LRRC28: variants seen among roughly 807,000 people sequenced by gnomAD.
The protein encoded by LRRC28 is leucine rich repeat containing 28.
Under a neutral mutation model 45.7 loss-of-function variants are expected in LRRC28, and 39 were observed. The ratio of observed to expected loss-of-function variants is 0.85; its 90% CI spans 0.66 to 1.12. LRRC28 has a LOEUF of 1.12. LRRC28 is among the 50% of genes most tolerant of loss of function. The pLI is 0.00. For missense variants in LRRC28, 435 were observed against 438.5 expected, an observed-to-expected ratio of 0.99 and a Z score of 0.07; for synonymous variants, 206 against 178.8, an observed-to-expected ratio of 1.15 and a Z score of -1.22.
At chr15:99,375,358 C>G (rs1957598501) in intron 9 of LRRC28, among the ~76,000 whole-genome samples, 1 of 152,044 alleles carries the variant, frequency 6.6e-6, no homozygotes, top group East Asian at 1.9e-4. Context: ...TTGTACATTT[C>G]TTTAATTTGT....
chr15:99,374,713 C>T (rs1250929337), intron 9 of LRRC28, among the ~76,000 whole-genome samples: 2 of 150,842 alleles, frequency 1.3e-5, no homozygotes, highest in Non-Finnish European at 2.9e-5. Flanking sequence ...CTTACTCTGT[C>T]GCCCAGGCTG....
intron 5 of LRRC28, among the ~76,000 whole-genome samples, chr15:99,303,757 C>G (rs1047767228): frequency 2.6e-5 from 4 of 152,058 alleles, no homozygotes; most frequent in Admixed American, 6.6e-5. Flanking sequence ...TCGCATGAAT[C>G]CGGGAGGTGG....
At chr15:99,296,233 TAC>T (rs2082258857) in intron 5 of LRRC28, among the ~76,000 whole-genome samples, 1 of 152,214 alleles carries the variant, frequency 6.6e-6, no homozygotes, top group Non-Finnish European at 1.5e-5. Context: ...TTCCCTGTGT[TAC>T]AGTTTCTAGG....
intron 5 of LRRC28, among the ~76,000 whole-genome samples, chr15:99,305,628 GTTAA>G (rs1451485897): frequency 2.0e-5 from 3 of 152,134 alleles, no homozygotes; most frequent in Non-Finnish European, 4.4e-5. Context: ...TTTAAAGAAT[GTTAA>G]TTAATAGCTA....
chr15:99,361,146 T>G (rs972477435), intron 7 of LRRC28, 190 bp from the exon 8 acceptor site: 1 of 578,810 alleles, frequency 1.7e-6, no homozygotes, highest in Non-Finnish European at 2.9e-6. Flanking sequence ...GAGTTCCAAC[T>G]GATGAGTTTA....
rs552410341 is a variant in LRRC28, at chr15:99,332,644, A to T, written c.386-1279A>T. On this transcript the variant is annotated intron_variant, in intron 5 of 9. Coordinates refer to ENST00000301981, the MANE Select transcript of LRRC28 (RefSeq NM_144598.5). ...TTACCATCCTTTAAAAATGTAAAAA[A>T]CCAGTTTCAGCTTGCAGGCAGGACA... Among the ~76,000 whole-genome samples, 57 of 152,212 alleles carry T rather than the reference A, an allele frequency of 3.7e-4. 1 individual carries two copies. In the South Asian group the frequency reaches 0.011, roughly 30 times the overall value.
At chr15:99,352,069 G>A (rs78389506) in intron 6 of LRRC28, among the ~76,000 whole-genome samples, 4,533 of 152,274 alleles carry the variant, frequency 0.03, 202 homozygotes, top group African/African-American at 0.1. Context: ...CAAGTGAGGG[G>A]TTCTTGCTAA....
intron 2 of LRRC28, chr15:99,258,691 C>A (rs2081101173): frequency 1.4e-6 from 1 of 719,802 alleles, no homozygotes; most frequent in Non-Finnish European, 2.6e-6. Context: ...AAGCTTTCTG[C>A]AAATCATTTT....
Position 99,314,565 on chromosome 15 carries a change from CTTCTA to C in LRRC28, c.386-19352_386-19348del, listed in dbSNP as rs572429765. ...TTTTATCATCTCTGATTCTCTGGCA[CTTCTA>C]TTCTAAAGTTACTGGGTAAGTTCCT... On this transcript the variant is annotated intron_variant, in intron 5 of 9. Transcript: ENST00000301981. Among the ~76,000 whole-genome samples, 437 of 152,270 alleles carry C rather than the reference CTTCTA, an allele frequency of 2.9e-3. 4 individuals carry two copies. Among genetic ancestry groups the C allele is most frequent in the African/African-American group, 9.4e-3 (390 of 41,556 alleles).
At chr15:99,374,531 T>C (rs1198068235) in intron 9 of LRRC28, among the ~76,000 whole-genome samples, 1 of 152,216 alleles carries the variant, frequency 6.6e-6, no homozygotes, top group Non-Finnish European at 1.5e-5. Flanking sequence ...GAAAATCATG[T>C]CATGCTGTCT....
rs145790768 is a variant in LRRC28 at position 99,304,950 on chromosome 15, C to T, written c.385+16999C>T. Among the ~76,000 whole-genome samples, 16 of 152,246 alleles carry T rather than the reference C, an allele frequency of 1.1e-4. No individual in the cohort carries two copies. The East Asian group carries it at 3.1e-3, about 29-fold the overall frequency. ...CTCTCATTTTGTTGGGCCTCCACAA[C>T]AATGTGCCTCTTTTCAACAATATAG... On this transcript the variant is annotated intron_variant, in intron 5 of 9. Transcript: ENST00000301981.
Position 99,387,290 on chromosome 15 carries a change from G to C in LRRC28, c.*1188G>C, listed in dbSNP as rs550152777. 1.3e-5 allele frequency: 2 copies of C among 151,828 alleles called. No individual in the cohort carries two copies. The highest frequency in any genetic ancestry group is 6.6e-5 in the Admixed American group (1 of 15,218). The allele number at this position is 151,828 out of a possible 1,614,324, so 9.4% of individuals were successfully genotyped here. ...TTAGCCGGGATGGTCTCGATCTCCTGACCTCGTGATCCGCACGCCTCGGCC... is the reference window on the plus strand; with the variant it reads ...TTAGCCGGGATGGTCTCGATCTCCTCACCTCGTGATCCGCACGCCTCGGCC... On this transcript the variant is annotated 3_prime_UTR_variant, in exon 10 of 10. Coordinates refer to ENST00000301981, the MANE Select transcript of LRRC28 (RefSeq NM_144598.5).
At chr15:99,353,150 C>G (rs754938948) in intron 7 of LRRC28, among the ~76,000 whole-genome samples, 9 of 152,106 alleles carry the variant, frequency 5.9e-5, no homozygotes, top group Non-Finnish European at 1.3e-4. Flanking sequence ...CCTGAGTGGC[C>G]AAGGATTAAG....
intron 5 of LRRC28, among the ~76,000 whole-genome samples, chr15:99,316,650 A>G (rs1487885197): frequency 6.6e-6 from 1 of 151,622 alleles, no homozygotes; most frequent in African/African-American, 2.4e-5. Context: ...TAGAGAATTA[A>G]TGGATGATAG....
intron 5 of LRRC28, among the ~76,000 whole-genome samples, chr15:99,319,635 G>A (rs528286783): frequency 6.7e-6 from 1 of 148,364 alleles, no homozygotes; most frequent in East Asian, 2.0e-4. Context: ...CACAAAGCAC[G>A]AGGTAAAATG....
chr15:99,266,780 G>C (rs1003887878), intron 2 of LRRC28, among the ~76,000 whole-genome samples: 6 of 152,302 alleles, frequency 3.9e-5, no homozygotes, highest in Non-Finnish European at 8.8e-5. Context: ...CACTGTTTGA[G>C]TCTTTACCAA....
At chr15:99,295,206 A>T (rs1001819524) in intron 5 of LRRC28, among the ~76,000 whole-genome samples, 1 of 152,066 alleles carries the variant, frequency 6.6e-6, no homozygotes, top group African/African-American at 2.4e-5. Context: ...GCCTTCTTTT[A>T]TGTATGTGTT....
intron 5 of LRRC28, among the ~76,000 whole-genome samples, chr15:99,328,822 C>T (rs1221671319): frequency 6.6e-6 from 1 of 151,466 alleles, no homozygotes; most frequent in Non-Finnish European, 1.5e-5. Flanking sequence ...CCAGGATTTA[C>T]ACCAGCAGCC....
rs1302937716 is a variant in LRRC28, at chr15:99,389,610, CAT to C, written c.*3510_*3511del. On this transcript the variant is annotated 3_prime_UTR_variant, in exon 10 of 10. Coordinates refer to ENST00000301981, the MANE Select transcript of LRRC28 (RefSeq NM_144598.5). ...GAGATGTAAATTCATTTCACAGACT[CAT>C]AAACACACTCTCTTTAAGACTCTTC... 25 of 152,190 alleles carry C rather than the reference CAT, an allele frequency of 1.6e-4. No homozygotes were observed. The highest frequency in any genetic ancestry group is 8.5e-4 in the Admixed American group (13 of 15,286). The allele number at this position is 152,190 out of a possible 1,614,324, so 9.4% of individuals were successfully genotyped here.
Sources: gnomAD v4.1 joint callset for allele counts (sites outside exome capture counted in the v4.1 genomes callset) on GRCh38, gnomAD v4.1.1 for gene constraint, MANE v1.5 for transcripts, NCBI Gene and HGNC (gene_info 2026-07-23, HGNC 2026-07-21) for gene names.